NALCN: variants seen among roughly 807,000 people sequenced by gnomAD.
The protein encoded by NALCN is sodium leak channel NALCN.
A neutral mutation model predicts 225.3 loss-of-function variants in NALCN; 111 were observed. The ratio of observed to expected loss-of-function variants is 0.49; its 90% CI spans 0.42 to 0.58. NALCN has a LOEUF of 0.58. NALCN is among the 20% of genes least tolerant of loss of function. The pLI is 0.00. For synonymous variants in NALCN, 764 were observed against 769.0 expected (o/e 0.99, Z 0.11); for missense variants, 1,378 against 2,202.4 (o/e 0.63, Z 7.49).
intron 7 of NALCN, among the ~76,000 whole-genome samples, chr13:101,294,103 G>A (rs1469156430): frequency 6.6e-6 from 1 of 152,078 alleles, no homozygotes; most frequent in Non-Finnish European, 1.5e-5. Context: ...GTGGAAAGTG[G>A]TAGAACCAGA....
intron 1 of NALCN, among the ~76,000 whole-genome samples, chr13:101,400,297 AG>A (rs1166061660): frequency 6.6e-6 from 1 of 152,290 alleles, no homozygotes; most frequent in African/African-American, 2.4e-5. Context: ...ACAATGTGTA[AG>A]GGGTTTAGAG....
chr13:101,123,744 T>C (rs574280559), intron 18 of NALCN, among the ~76,000 whole-genome samples: 1 of 152,300 alleles, frequency 6.6e-6, no homozygotes, highest in Non-Finnish European at 1.5e-5. Flanking sequence ...GTAAGAATAG[T>C]TTTAAAGATC....
intron 13 of NALCN, among the ~76,000 whole-genome samples, chr13:101,219,238 T>C (rs2040849206): frequency 6.6e-6 from 1 of 152,188 alleles, no homozygotes; most frequent in Non-Finnish European, 1.5e-5. Flanking sequence ...TAAAGTCAAC[T>C]GGAATCAAGT....
intron 18 of NALCN, among the ~76,000 whole-genome samples, chr13:101,112,366 G>T (rs1169102599): frequency 2.0e-5 from 3 of 152,206 alleles, no homozygotes; most frequent in Non-Finnish European, 2.9e-5. Context: ...ATTTGCTAAT[G>T]AGTGAAGACA....
chr13:101,119,307 AT>A (rs1331638163), intron 18 of NALCN, among the ~76,000 whole-genome samples: 1 of 152,128 alleles, frequency 6.6e-6, no homozygotes, highest in Non-Finnish European at 1.5e-5. Flanking sequence ...AATCCGTTTA[AT>A]TTTTTTCTGT....
chr13:101,147,472 C>G (rs566827562), intron 15 of NALCN, among the ~76,000 whole-genome samples: 1 of 151,224 alleles, frequency 6.6e-6, no homozygotes, highest in African/African-American at 2.4e-5. Flanking sequence ...TTTCCTGAGT[C>G]GCTGGAATTA....
intron 18 of NALCN, chr13:101,116,637 C>T: frequency 4.4e-6 from 2 of 454,606 alleles, no homozygotes; most frequent in South Asian, 3.3e-5. Context: ...ATTATTTTCA[C>T]TCATTATAGA....
At chr13:101,309,953 A>C (rs1425472407) in intron 7 of NALCN, among the ~76,000 whole-genome samples, 1 of 152,168 alleles carries the variant, frequency 6.6e-6, no homozygotes, top group Non-Finnish European at 1.5e-5. Flanking sequence ...AGTTAATGGC[A>C]AGTCTATCTA....
intron 28 of NALCN, 110 bp from the exon 29 acceptor site, chr13:101,090,076 A>T: frequency 1.4e-6 from 2 of 1,452,594 alleles, no homozygotes; most frequent in Non-Finnish European, 9.4e-7. Flanking sequence ...GTGTGTGTGT[A>T]TATACACACA....
At chr13:101,362,851 C>T (rs887093090) in intron 6 of NALCN, among the ~76,000 whole-genome samples, 7 of 151,966 alleles carry the variant, frequency 4.6e-5, no homozygotes, top group African/African-American at 1.7e-4. Flanking sequence ...CTAAAGACTC[C>T]ACCAAAAACT....
At chr13:101,203,376 T>G (rs1276858753) in intron 13 of NALCN, among the ~76,000 whole-genome samples, 1 of 152,122 alleles carries the variant, frequency 6.6e-6, no homozygotes, top group Non-Finnish European at 1.5e-5. Flanking sequence ...CCACCACACC[T>G]GGCTGACTTT....
chr13:101,266,039 T>G (rs1283159396), intron 10 of NALCN, among the ~76,000 whole-genome samples: 1 of 152,240 alleles, frequency 6.6e-6, no homozygotes, highest in East Asian at 1.9e-4. Context: ...GTTTAAATCT[T>G]GTCTCTGTGC....
intron 11 of NALCN, among the ~76,000 whole-genome samples, chr13:101,249,676 G>C (rs554641865): frequency 1.3e-5 from 2 of 152,176 alleles, no homozygotes; most frequent in African/African-American, 2.4e-5. Flanking sequence ...GCTCAGTATA[G>C]GTAGAAGAAG....
intron 1 of NALCN, among the ~76,000 whole-genome samples, chr13:101,399,857 A>T (rs1594785582): frequency 6.6e-6 from 1 of 152,082 alleles, no homozygotes; most frequent in South Asian, 2.1e-4. Flanking sequence ...GATAGACGTT[A>T]CCTCCCTATG....
intron 7 of NALCN, among the ~76,000 whole-genome samples, chr13:101,339,251 C>T (rs1462710997): frequency 2.0e-5 from 3 of 152,192 alleles, no homozygotes; most frequent in African/African-American, 7.2e-5. Flanking sequence ...ATGATTCCTA[C>T]CCACCTTGCC....
At chr13:101,167,709 A>G (rs2038510712) in intron 15 of NALCN, among the ~76,000 whole-genome samples, 3 of 89,344 alleles carry the variant, frequency 3.4e-5, no homozygotes, top group Admixed American at 3.0e-4. Context: ...TTGGTGGTGC[A>G]TGCCTGTAAT....
At chr13:101,228,114 C>T (rs961669074) in intron 13 of NALCN, among the ~76,000 whole-genome samples, 1 of 152,094 alleles carries the variant, frequency 6.6e-6, no homozygotes, top group African/African-American at 2.4e-5. Flanking sequence ...CTTATGTCCC[C>T]ATGATTACCT....
rs539281920 is a variant in NALCN, at chr13:101,391,209, A to G, written c.291+3974T>C. ...AAAAATACTGCTAGCCAACCTGATG[A>G]CAACAAAATGCTAATCAAAATAACA... On this transcript the variant is annotated intron_variant, in intron 3 of 43. Transcript: ENST00000251127. Among the ~76,000 whole-genome samples the G allele has an allele frequency of 1.3e-4, 20 of 152,322 alleles. 2 individuals carry two copies. In the South Asian group the frequency reaches 3.9e-3, roughly 30 times the overall value.
At position 101,395,452 on chromosome 13, in the gene NALCN, T is replaced by C. The variant is rs1323884391; in HGVS notation, c.109-87A>G. The C allele has an allele frequency of 2.3e-6, 3 of 1,307,228 alleles. No individual in the cohort carries two copies. In the African/African-American group the frequency reaches 4.4e-5, roughly 19 times the overall value. The allele number at this position is 1,307,228 out of a possible 1,614,324, so 81.0% of individuals were successfully genotyped here. A position where few individuals can be genotyped will look rare whatever the true frequency, so the allele number is the denominator to read the frequency against. On this transcript the variant is annotated intron_variant, in intron 2 of 43. Transcript: ENST00000251127. ...GAACCACACTAAGTGGAAAACATAA[T>C]ACTGAGGTTAAAATAGTTTACTAAT...
Sources: allele counts gnomAD v4.1 joint callset (sites outside exome capture counted in the v4.1 genomes callset), GRCh38; gene constraint gnomAD v4.1.1; transcripts MANE v1.5; gene names NCBI Gene and HGNC (gene_info 2026-07-23, HGNC 2026-07-21).